The following ELMO1 variants were observed in gnomAD, a reference collection of about 807,000 sequenced individuals.
The protein encoded by ELMO1 is engulfment and cell motility 1, also known as engulfment and cell motility protein 1.
Under a neutral mutation model 98.9 loss-of-function variants are expected in ELMO1, and 26 were observed. The ratio of observed to expected loss-of-function variants is 0.26; its 90% confidence interval spans 0.19 to 0.36. The LOEUF (loss-of-function observed/expected upper bound fraction) is 0.36, where lower values mean the gene tolerates loss of function less well. ELMO1 is among the 10% of genes least tolerant of loss of function. ELMO1 has a pLI of 1.00. For synonymous variants in ELMO1, 346 were observed against 346.0 expected, an observed-to-expected ratio of 1.00 and a Z score of 0.00; for missense variants, 627 against 935.2, an observed-to-expected ratio of 0.67 and a Z score of 4.30.
intron 5 of ELMO1, 145 bp from the exon 6 acceptor site, chr7:37,259,495 G>A: frequency 2.4e-6 from 2 of 847,794 alleles, no homozygotes; most frequent in African/African-American, 1.7e-5. Flanking sequence ...TCAACGACAG[G>A]CTTCAAGGCT....
chr7:36,866,881 C>A (rs1160795513), intron 20 of ELMO1, among the ~76,000 whole-genome samples: 1 of 152,168 alleles, frequency 6.6e-6, no homozygotes, highest in Non-Finnish European at 1.5e-5. Context: ...GAGGGCACCT[C>A]TGGAGTACGG....
intron 16 of ELMO1, among the ~76,000 whole-genome samples, chr7:36,936,524 C>T (rs1356001604): frequency 6.6e-6 from 1 of 152,178 alleles, no homozygotes; most frequent in African/African-American, 2.4e-5. Context: ...ATGGTGCAAT[C>T]ATGGCTCACT....
chr7:36,952,988 T>TA (rs1788110028), intron 16 of ELMO1, among the ~76,000 whole-genome samples: 1 of 147,782 alleles, frequency 6.8e-6, no homozygotes. Flanking sequence ...TTTTTTTTTT[T>TA]TGAGATGGAG....
intron 15 of ELMO1, among the ~76,000 whole-genome samples, chr7:37,043,445 G>A (rs904772912): frequency 2.0e-5 from 3 of 152,204 alleles, no homozygotes; most frequent in Admixed American, 6.5e-5. Flanking sequence ...GGTGTTGGGG[G>A]AAAGGATGGC....
At chr7:37,155,520 A>T (rs1334869396) in intron 13 of ELMO1, among the ~76,000 whole-genome samples, 1 of 150,028 alleles carries the variant, frequency 6.7e-6, no homozygotes. Flanking sequence ...CAGGTGTTGC[A>T]ATCCTGGTCT....
At chr7:37,132,193 T>G (rs1306376185) in intron 14 of ELMO1, among the ~76,000 whole-genome samples, 1 of 152,062 alleles carries the variant, frequency 6.6e-6, no homozygotes, top group Non-Finnish European at 1.5e-5. Context: ...CGAACCCAGG[T>G]CTCCAGGGAG....
chr7:37,327,482 C>A (rs908725157), intron 2 of ELMO1, among the ~76,000 whole-genome samples: 3 of 152,120 alleles, frequency 2.0e-5, no homozygotes, highest in African/African-American at 7.2e-5. Flanking sequence ...AATTTCCACA[C>A]AGGACTATGA....
At chr7:37,380,994 T>C (rs1253289660) in intron 1 of ELMO1, among the ~76,000 whole-genome samples, 2 of 152,174 alleles carry the variant, frequency 1.3e-5, no homozygotes, top group Non-Finnish European at 2.9e-5. Flanking sequence ...TGGCATTAAA[T>C]AGACCACAAA....
chr7:36,976,125 A>C (rs1489668431), intron 16 of ELMO1, among the ~76,000 whole-genome samples: 2 of 152,220 alleles, frequency 1.3e-5, no homozygotes, highest in East Asian at 3.8e-4. Context: ...CACTACACAG[A>C]AAAATGGGCA....
At chr7:37,020,055 G>A (rs545323520) in intron 15 of ELMO1, among the ~76,000 whole-genome samples, 14 of 152,202 alleles carry the variant, frequency 9.2e-5, no homozygotes, top group Non-Finnish European at 4.4e-5. Flanking sequence ...CAGAAAACAA[G>A]GGTTACTGCA....
chr7:37,366,699 C>T (rs1882069), intron 1 of ELMO1, among the ~76,000 whole-genome samples: 44 of 152,096 alleles, frequency 2.9e-4, no homozygotes, highest in Non-Finnish European at 5.9e-4. Flanking sequence ...TAATCTCCCC[C>T]CTGTAGCATC....
chr7:36,900,451 A>G (rs1806411162), intron 16 of ELMO1, among the ~76,000 whole-genome samples: 1 of 152,214 alleles, frequency 6.6e-6, no homozygotes, highest in African/African-American at 2.4e-5. Context: ...GTAGATTGAC[A>G]CAACAAATAA....
intron 15 of ELMO1, among the ~76,000 whole-genome samples, chr7:37,048,120 G>A (rs1795904216): frequency 6.6e-6 from 1 of 152,168 alleles, no homozygotes; most frequent in Admixed American, 6.5e-5. Context: ...TCTGGAGCTG[G>A]TTAATTCTTT....
At chr7:37,126,877 T>C in intron 14 of ELMO1, among the ~76,000 whole-genome samples, 1 of 152,246 alleles carries the variant, frequency 6.6e-6, no homozygotes, top group South Asian at 2.1e-4. Flanking sequence ...TTGGATACTT[T>C]TTAGCGCCTA....
intron 14 of ELMO1, among the ~76,000 whole-genome samples, chr7:37,112,050 C>T (rs1221739424): frequency 6.6e-6 from 1 of 152,034 alleles, no homozygotes; most frequent in African/African-American, 2.4e-5. Context: ...CAGTTTTGAT[C>T]TTCTGAAAAA....
intron 15 of ELMO1, among the ~76,000 whole-genome samples, chr7:37,014,641 A>C (rs760538156): frequency 2.6e-5 from 4 of 151,208 alleles, no homozygotes; most frequent in African/African-American, 9.7e-5. Context: ...CCACTCCCCA[A>C]CTGGCCCCGG....
At chr7:37,255,467 T>C (rs1795588303) in intron 6 of ELMO1, among the ~76,000 whole-genome samples, 1 of 152,172 alleles carries the variant, frequency 6.6e-6, no homozygotes, top group South Asian at 2.1e-4. Context: ...ATGGCAGCCC[T>C]AGCAAAGTAA....
At chr7:37,008,409 T>G (rs1793297119) in intron 16 of ELMO1, among the ~76,000 whole-genome samples, 1 of 152,230 alleles carries the variant, frequency 6.6e-6, no homozygotes, top group Non-Finnish European at 1.5e-5. Flanking sequence ...AATTTCAGCT[T>G]AAAGCCTATT....
intron 2 of ELMO1, among the ~76,000 whole-genome samples, chr7:37,327,077 T>A (rs1234642311): frequency 6.6e-6 from 1 of 152,216 alleles, no homozygotes; most frequent in Non-Finnish European, 1.5e-5. Flanking sequence ...AACAACCACT[T>A]TCCTAATTCC....
Sources: allele counts gnomAD v4.1 joint callset (sites outside exome capture counted in the v4.1 genomes callset), GRCh38; gene constraint gnomAD v4.1.1; transcripts MANE v1.5; gene names NCBI Gene and HGNC (gene_info 2026-07-23, HGNC 2026-07-21).